BIRC6: variants seen among roughly 807,000 people sequenced by gnomAD.
BIRC6 encodes baculoviral IAP repeat containing 6.
Under a neutral mutation model 503.3 loss-of-function variants are expected in BIRC6, and 98 were observed. The ratio of observed to expected loss-of-function variants is 0.19; its 90% CI spans 0.17 to 0.23. BIRC6 has a LOEUF of 0.23. BIRC6 is among the 10% of genes least tolerant of loss of function. The probability of loss-of-function intolerance (pLI) is 1.00; values close to 1 mark genes in which losing one functional copy is unlikely to be tolerated. For missense variants in BIRC6, 5,360 were observed against 5,806.0 expected, an observed-to-expected ratio of 0.92 and a Z score of 2.50; for synonymous variants, 2,240 against 2,078.7, an observed-to-expected ratio of 1.08 and a Z score of -2.11.
At chr2:32,456,773 T>C (rs906488186) in intron 23 of BIRC6, among the ~76,000 whole-genome samples, 29 of 152,200 alleles carry the variant, frequency 1.9e-4, no homozygotes, top group African/African-American at 7.0e-4. Flanking sequence ...TCTTTATTGG[T>C]TATTTTACCT....
At chr2:32,551,767 T>C (rs1207472845) in intron 65 of BIRC6, among the ~76,000 whole-genome samples, 1 of 152,256 alleles carries the variant, frequency 6.6e-6, no homozygotes, top group East Asian at 1.9e-4. Context: ...CATTTTTTAC[T>C]ACATTTAGTT....
chr2:32,447,509 C>T (rs1316203620), intron 21 of BIRC6, among the ~76,000 whole-genome samples: 8 of 126,574 alleles, frequency 6.3e-5, no homozygotes, highest in Admixed American at 2.3e-4. Context: ...CCGGACGGGG[C>T]GGCTGGCCGG....
Position 32,597,897 on chromosome 2 carries a change from A to G in BIRC6, c.13759A>G (p.Thr4587Ala). The change falls in exon 69 of 74, where the codon ACC becomes GCC. Residue 4587 changes from threonine to alanine, a missense_variant. Transcript: ENST00000421745. ...TGCCCAGGAAGCTGTGACGCTTTCAACCTCACTGCCTCTGTCTTCATCCTC... is the reference window on the plus strand; with the variant it reads ...TGCCCAGGAAGCTGTGACGCTTTCAGCCTCACTGCCTCTGTCTTCATCCTC... ...RLAQEAVTLS[T>A]SLPLSSSSSV... The G allele has an allele frequency of 1.9e-6, 3 of 1,613,794 alleles. No homozygotes were observed. The highest frequency in any genetic ancestry group is 1.7e-6 in the Non-Finnish European group (2 of 1,179,860).
chr2:32,386,870 C>G (rs1266207138), intron 3 of BIRC6, among the ~76,000 whole-genome samples: 1 of 152,094 alleles, frequency 6.6e-6, no homozygotes, highest in African/African-American at 2.4e-5. Context: ...TACTGGCCCA[C>G]AGAGAAGAGC....
chr2:32,413,953 T>C (rs1051917910), intron 9 of BIRC6, among the ~76,000 whole-genome samples: 1 of 152,170 alleles, frequency 6.6e-6, no homozygotes, highest in Non-Finnish European at 1.5e-5. Context: ...AGTTTGTACA[T>C]GTTGTACATG....
At chr2:32,374,083 T>G (rs940616248) in intron 1 of BIRC6, among the ~76,000 whole-genome samples, 3 of 152,180 alleles carry the variant, frequency 2.0e-5, no homozygotes, top group African/African-American at 7.2e-5. Context: ...GTTTAAAGCG[T>G]ACAGAGTTTC....
chr2:32,481,988 A>G (rs1476866548), intron 38 of BIRC6, among the ~76,000 whole-genome samples: 4 of 152,222 alleles, frequency 2.6e-5, no homozygotes, highest in African/African-American at 9.6e-5. Flanking sequence ...GTAGCTACTC[A>G]TAATTATCAT....
At chr2:32,430,597 C>T (rs891114923) in intron 11 of BIRC6, among the ~76,000 whole-genome samples, 12 of 152,058 alleles carry the variant, frequency 7.9e-5, no homozygotes, top group African/African-American at 2.7e-4. Flanking sequence ...CCTTTTCTAA[C>T]AGGTTGGGTT....
Position 32,487,741 on chromosome 2 carries a change from C to G in BIRC6, c.7908C>G (p.Val2636=). 2 of 1,613,212 alleles carry G rather than the reference C, an allele frequency of 1.2e-6. No individual in the cohort carries two copies. The highest frequency in any genetic ancestry group is 1.7e-6 in the Non-Finnish European group (2 of 1,179,334). Residue 2636 remains valine, a synonymous_variant, in exon 41 of 74, where the codon GTC becomes GTG. Coordinates refer to ENST00000421745, the MANE Select transcript of BIRC6 (RefSeq NM_016252.4). ...TSQLIIQLSS[V]PMLNVCFNKL... is the part of the protein sequence containing the mutation. The stretch of plus-strand genomic sequence containing the variant: ...AGCTTATTATACAGTTATCATCTGT[C>G]CCAATGTTAAATGTTTGTTTCAACA...
chr2:32,595,978 T>TA (rs1178186598), intron 68 of BIRC6, among the ~76,000 whole-genome samples: 4 of 152,170 alleles, frequency 2.6e-5, no homozygotes, highest in African/African-American at 7.2e-5. Context: ...CTCTAAGTAA[T>TA]AATATTAACT....
chr2:32,481,462 C>T lies in BIRC6; in HGVS notation c.7542+9C>T, dbSNP rs529487346. On this transcript the variant is annotated intron_variant, in intron 38 of 73. Coordinates refer to ENST00000421745, the MANE Select transcript of BIRC6 (RefSeq NM_016252.4). ...CAGCCAAGGTTTTTAAGGTATGATA[C>T]ATGAGAATAGTCTTTGAAAGGAGGC... is the stretch of plus-strand genomic sequence containing the variant. The T allele has an allele frequency of 3.1e-6, 5 of 1,601,206 alleles. No individual in the cohort carries two copies. Among genetic ancestry groups the T allele is most frequent in the Non-Finnish European group, 4.3e-6 (5 of 1,173,800 alleles).
Position 32,515,015 on chromosome 2 carries a change from C to T in BIRC6, c.10594C>T (p.Leu3532Phe). Residue 3532 changes from leucine to phenylalanine, a missense_variant, in exon 55 of 74, where the codon CTT becomes TTT. Transcript: ENST00000421745. ...GTTACTTTTTAATTGGTCCATGTCTCTTCCCTGCAATATGGTTTTGAAGAA... is the reference window on the plus strand; with the variant it reads ...GTTACTTTTTAATTGGTCCATGTCTTTTCCCTGCAATATGGTTTTGAAGAA... ...FELLFNWSMS[L>F]PCNMVLKKAV... is the part of the protein sequence containing the mutation. The T allele has an allele frequency of 6.2e-7, 1 of 1,613,660 alleles. No individual in the cohort carries two copies. The highest frequency in any genetic ancestry group is 8.5e-7 in the Non-Finnish European group (1 of 1,179,674).
Position 32,445,571 on chromosome 2 carries a change from C to G in BIRC6, c.4387C>G (p.Leu1463Val). Residue 1463 changes from leucine to valine, a missense_variant, in exon 21 of 74, where the codon CTG (leucine) becomes GTG (valine). Coordinates refer to ENST00000421745, the MANE Select transcript of BIRC6 (RefSeq NM_016252.4). ...VLLNYVKDED[L>V]AGCSTACASL... Reference sequence around the variant, plus strand: ...ACTGAATTATGTGAAAGATGAAGATCTGGCTGGATGCAGTACAGCTTGTGC... The same window carrying G: ...ACTGAATTATGTGAAAGATGAAGATGTGGCTGGATGCAGTACAGCTTGTGC... 1 of 1,604,480 alleles carries G rather than the reference C, an allele frequency of 6.2e-7. No homozygotes were observed. The highest frequency in any genetic ancestry group is 8.5e-7 in the Non-Finnish European group (1 of 1,175,080).
intron 65 of BIRC6, among the ~76,000 whole-genome samples, chr2:32,567,396 C>T (rs1432259959): frequency 6.6e-6 from 1 of 152,220 alleles, no homozygotes; most frequent in Non-Finnish European, 1.5e-5. Flanking sequence ...ATGCTACTTT[C>T]CAAAAGAATT....
At chr2:32,561,590 C>T (rs946213893) in intron 65 of BIRC6, among the ~76,000 whole-genome samples, 2 of 151,422 alleles carry the variant, frequency 1.3e-5, no homozygotes, top group Admixed American at 6.6e-5. Context: ...AATTTGAAAT[C>T]GTTCGATTTC....
At chr2:32,596,684 A>G (rs1401221773) in intron 68 of BIRC6, among the ~76,000 whole-genome samples, 1 of 152,138 alleles carries the variant, frequency 6.6e-6, no homozygotes, top group Admixed American at 6.5e-5. Flanking sequence ...GGACATAAAT[A>G]TTTTATTGGG....
Position 32,439,327 on chromosome 2 carries a change from G to GT in BIRC6, c.3632-175dup, listed in dbSNP as rs574250276. On this transcript the variant is annotated intron_variant, in intron 15 of 73. Transcript: ENST00000421745. ...TATTCATATCATTCCTTTGTTGGTT[G>GT]TTTTTTGCTGACAGCGTGTGAAGGT... Among the ~76,000 whole-genome samples the GT allele has an allele frequency of 3.9e-4, 59 of 152,186 alleles. 1 individual carries two copies. In the South Asian group the frequency reaches 0.012, roughly 32 times the overall value.
At chr2:32,468,811 G>A in intron 29 of BIRC6, 28 bp downstream of exon 29, 1 of 1,493,130 alleles carries the variant, frequency 6.7e-7, no homozygotes, top group Non-Finnish European at 9.1e-7. Context: ...ATATTTTAAA[G>A]GCTGGGAATA....
intron 1 of BIRC6, among the ~76,000 whole-genome samples, chr2:32,360,766 A>G (rs537288766): frequency 3.0e-4 from 46 of 152,280 alleles, no homozygotes; most frequent in African/African-American, 1.1e-3. Context: ...TTTAAGTTTA[A>G]ATTCCATTTT....
Sources: gnomAD v4.1 joint callset for allele counts (sites outside exome capture counted in the v4.1 genomes callset) on GRCh38, gnomAD v4.1.1 for gene constraint, MANE v1.5 for transcripts, NCBI Gene and HGNC (gene_info 2026-07-23, HGNC 2026-07-21) for gene names.